ABHD12B: variants seen among roughly 807,000 people sequenced by gnomAD.
ABHD12B encodes abhydrolase domain containing 12B.
In ABHD12B, 42 loss-of-function variants were observed where a neutral mutation model predicts 50.4. That is an observed-to-expected ratio of 0.83 (90% CI 0.65 to 1.08). The LOEUF (loss-of-function observed/expected upper bound fraction) is 1.08. Among genes scored for constraint, ABHD12B ranks in the 50% least tolerant of loss-of-function variants. ABHD12B has a pLI of 0.00. For missense variants in ABHD12B, 479 were observed against 447.7 expected (o/e 1.07, Z -0.63); for synonymous variants, 167 against 160.3 (o/e 1.04, Z -0.32).
At chr14:50,895,021 T>C (rs377039252) in intron 9 of ABHD12B, among the ~76,000 whole-genome samples, 147 of 145,182 alleles carry the variant, frequency 1.0e-3, no homozygotes, top group African/African-American at 3.7e-3. Context: ...TGGCTGGAGC[T>C]AAAGGCATAG....
At chr14:50,872,317 G>T in intron 1 of ABHD12B, 39 bp downstream of exon 1, 3 of 1,239,608 alleles carry the variant, frequency 2.4e-6, no homozygotes, top group Non-Finnish European at 3.0e-6. Context: ...GGGCCCCGAC[G>T]GCTCAGGCTG....
intron 8 of ABHD12B, among the ~76,000 whole-genome samples, chr14:50,887,154 C>A (rs1162864797): frequency 2.5e-5 from 3 of 120,590 alleles, no homozygotes; most frequent in Non-Finnish European, 4.8e-5. Flanking sequence ...GTGGAGGTTG[C>A]AGTAAGCCGA....
chr14:50,880,327 T>C, intron 3 of ABHD12B, 125 bp from the exon 4 acceptor site: 2 of 1,023,366 alleles, frequency 2.0e-6, no homozygotes, highest in Non-Finnish European at 2.6e-6. Flanking sequence ...ATTTTTGCCA[T>C]GTGCATATAT....
chr14:50,902,158 A>G (rs554805793), intron 10 of ABHD12B, among the ~76,000 whole-genome samples: 1 of 152,072 alleles, frequency 6.6e-6, no homozygotes, highest in South Asian at 2.1e-4. Context: ...CTGAATTCAT[A>G]AACGAAGTTG....
intron 11 of ABHD12B, among the ~76,000 whole-genome samples, 154 bp downstream of exon 11, chr14:50,903,621 G>A (rs967421358): frequency 6.6e-6 from 1 of 152,054 alleles, no homozygotes; most frequent in Non-Finnish European, 1.5e-5. Context: ...TTATAAAATG[G>A]GTATCAGCAT....
intron 3 of ABHD12B, among the ~76,000 whole-genome samples, chr14:50,879,164 T>G (rs775094066): frequency 4.6e-5 from 7 of 152,202 alleles, no homozygotes; most frequent in Non-Finnish European, 4.4e-5. Context: ...CTTCAAGGCT[T>G]CCTTCTATTT....
rs386381352 is a variant in ABHD12B, at chr14:50,882,373, C to CTTTTTTTTTTTT, written c.486+757_486+768dup. On this transcript the variant is annotated intron_variant, in intron 5 of 12. Coordinates refer to ENST00000337334, the MANE Select transcript of ABHD12B (RefSeq NM_001206673.2). ...ATAGGCTAAAGACACAGAATGTCTG[C>CTTTTTTTTTTTT]TTTTTTTTTTTTTTTTTTTTTGAGA... Among the ~76,000 whole-genome samples the CTTTTTTTTTTTT allele has an allele frequency of 4.6e-3, 377 of 81,832 alleles. 63 individuals are homozygous for CTTTTTTTTTTTT. The highest frequency in any genetic ancestry group is 0.04 in the East Asian group (87 of 2,172). The allele number at this position is 81,832 out of a possible 152,430, so 53.7% of individuals were successfully genotyped here.
chr14:50,874,452 T>C (rs553828037), intron 1 of ABHD12B, among the ~76,000 whole-genome samples: 30 of 152,060 alleles, frequency 2.0e-4, no homozygotes, highest in Admixed American at 5.9e-4. Flanking sequence ...TACAAAAAAT[T>C]AGCCAGGCGT....
At chr14:50,903,769 G>A (rs2050294701) in intron 11 of ABHD12B, among the ~76,000 whole-genome samples, 1 of 152,138 alleles carries the variant, frequency 6.6e-6, no homozygotes. Context: ...CTCTAAAATG[G>A]AAGACGCAGA....
At chr14:50,884,702 CTTTTTTTTTTTT>C (rs35439744) in intron 5 of ABHD12B, among the ~76,000 whole-genome samples, 16 of 126,598 alleles carry the variant, frequency 1.3e-4, no homozygotes, top group African/African-American at 3.8e-4. Context: ...TGTATTTCTT[CTTTTTTTTTTTT>C]TTTTTTTTTT....
In ABHD12B at chr14:50,888,722, G is replaced by A. The variant is rs542471092; in HGVS notation, c.701-102G>A. The A allele has an allele frequency of 3.3e-5, 30 of 913,816 alleles. No individual in the cohort carries two copies. The South Asian group carries it at 4.3e-4, about 13-fold the overall frequency. 56.6% of individuals were successfully genotyped at this position (913,816 alleles called of 1,614,324 possible). A position where few individuals can be genotyped will look rare whatever the true frequency, so the allele number is the denominator to read the frequency against. The stretch of plus-strand genomic sequence containing the variant: ...AATAACCTTCACAAATAATTTTGAT[G>A]CACGTAGCTCATGTACAAGATCTTG... On this transcript the variant is annotated intron_variant, in intron 8 of 12. Coordinates refer to ENST00000337334, the MANE Select transcript of ABHD12B (RefSeq NM_001206673.2).
At chr14:50,883,968 T>C (rs1463279224) in intron 5 of ABHD12B, among the ~76,000 whole-genome samples, 9 of 152,218 alleles carry the variant, frequency 5.9e-5, no homozygotes, top group Admixed American at 5.9e-4. Context: ...TGTATCTATA[T>C]ATACGTTTAG....
intron 1 of ABHD12B, among the ~76,000 whole-genome samples, chr14:50,876,017 G>A (rs1261191923): frequency 6.6e-6 from 1 of 152,114 alleles, no homozygotes; most frequent in East Asian, 1.9e-4. Flanking sequence ...CTGGAAGGAG[G>A]CACAGTTCAG....
At chr14:50,886,075 ACAG>A (rs951292783) in intron 7 of ABHD12B, among the ~76,000 whole-genome samples, 180 bp downstream of exon 7, 4 of 152,192 alleles carry the variant, frequency 2.6e-5, no homozygotes, top group Non-Finnish European at 4.4e-5. Context: ...TTGTAAAACA[ACAG>A]AAGGTCCCTT....
At chr14:50,877,857 A>G in intron 1 of ABHD12B, 95 bp from the exon 2 acceptor site, 23 of 1,219,634 alleles carry the variant, frequency 1.9e-5, no homozygotes, top group Non-Finnish European at 2.4e-5. Flanking sequence ...ACAAGAGCAG[A>G]ACTCTGTCCA....
At chr14:50,884,702 CTTT>C (rs35439744) in intron 5 of ABHD12B, among the ~76,000 whole-genome samples, 2 of 126,594 alleles carry the variant, frequency 1.6e-5, no homozygotes, top group Admixed American at 1.7e-4. Context: ...TGTATTTCTT[CTTT>C]TTTTTTTTTT....
intron 11 of ABHD12B, 43 bp downstream of exon 11, chr14:50,903,510 T>C: frequency 6.6e-7 from 1 of 1,523,442 alleles, no homozygotes; most frequent in Non-Finnish European, 9.0e-7. Context: ...ACTATACTCA[T>C]TTCACCATTT....
At chr14:50,892,470 G>C (rs1054692106) in intron 9 of ABHD12B, 6 of 985,426 alleles carry the variant, frequency 6.1e-6, no homozygotes, top group Non-Finnish European at 7.2e-6. Flanking sequence ...CGCTAAGGTA[G>C]GCAGTGGAGG....
At chr14:50,885,926 C>G in intron 7 of ABHD12B, 31 bp downstream of exon 7, 1 of 1,612,460 alleles carries the variant, frequency 6.2e-7, no homozygotes, top group South Asian at 1.1e-5. Flanking sequence ...TGTCCTTAGG[C>G]AGGTCCTTGA....
Sources: gnomAD v4.1 joint callset for allele counts (sites outside exome capture counted in the v4.1 genomes callset) on GRCh38, gnomAD v4.1.1 for gene constraint, MANE v1.5 for transcripts, NCBI Gene and HGNC (gene_info 2026-07-23, HGNC 2026-07-21) for gene names.